Variants in SEMA3C observed in about 807,000 individuals in gnomAD.
SEMA3C encodes the protein semaphorin-3C.
SEMA3C carries 47 observed loss-of-function variants against 89.4 expected under a neutral mutation model. That is an observed-to-expected ratio of 0.53 (90% CI 0.42 to 0.67). SEMA3C has a LOEUF of 0.67. Ranked by LOEUF, SEMA3C falls within the 30% of genes least tolerant of loss-of-function variation. The probability of loss-of-function intolerance (pLI) is 0.00; values close to 1 mark genes in which losing one functional copy is unlikely to be tolerated. For missense variants in SEMA3C, 839 were observed against 929.1 expected (o/e 0.90, Z 1.26); for synonymous variants, 310 against 320.2 (o/e 0.97, Z 0.34).
At chr7:80,821,322 T>C (rs1035092358) in intron 4 of SEMA3C, among the ~76,000 whole-genome samples, 5 of 152,254 alleles carry the variant, frequency 3.3e-5, no homozygotes, top group African/African-American at 1.2e-4. Flanking sequence ...ATATAGGTAG[T>C]AACTAAAGCA....
At position 80,876,500 on chromosome 7, in the gene SEMA3C, C is replaced by T. The variant is rs545555836; in HGVS notation, c.103+40179G>A. Among the ~76,000 whole-genome samples, 227 of 152,264 alleles carry T rather than the reference C, an allele frequency of 1.5e-3. 1 individual carries two copies. The highest frequency in any genetic ancestry group is 4.5e-3 in the African/African-American group (188 of 41,536). ...TGTCACAGCTAACTTCTCTGTGCCT[C>T]ATTCGCCCCATCTATCAATTGGAAC... On this transcript the variant is annotated intron_variant, in intron 2 of 17. Coordinates refer to ENST00000265361, the MANE Select transcript of SEMA3C (RefSeq NM_006379.5).
chr7:80,887,220 AAC>A (rs1387006141), intron 2 of SEMA3C, among the ~76,000 whole-genome samples: 1 of 152,238 alleles, frequency 6.6e-6, no homozygotes, highest in Non-Finnish European at 1.5e-5. Flanking sequence ...GCAAAGTTTT[AAC>A]AGTTATTAAA....
chr7:80,756,631 C>A (rs1035768501), intron 15 of SEMA3C, among the ~76,000 whole-genome samples: 3 of 152,190 alleles, frequency 2.0e-5, no homozygotes, highest in Admixed American at 6.5e-5. Context: ...TTCTTCCTAT[C>A]GTTCCTTTTC....
intron 2 of SEMA3C, among the ~76,000 whole-genome samples, chr7:80,854,668 G>A (rs1023673102): frequency 5.9e-5 from 9 of 152,042 alleles, no homozygotes; most frequent in Non-Finnish European, 1.2e-4. Flanking sequence ...ATTAATGAGC[G>A]GCCATCTGGG....
At chr7:80,854,688 A>T (rs928140325) in intron 2 of SEMA3C, among the ~76,000 whole-genome samples, 10 of 152,168 alleles carry the variant, frequency 6.6e-5, no homozygotes, top group Admixed American at 3.3e-4. Flanking sequence ...GCTCTTTTAC[A>T]TCTTTATGGA....
At chr7:80,891,316 G>A (rs958712283) in intron 2 of SEMA3C, among the ~76,000 whole-genome samples, 1 of 151,996 alleles carries the variant, frequency 6.6e-6, no homozygotes, top group African/African-American at 2.4e-5. Context: ...TCCTCACTTT[G>A]CAAAACCTGT....
At chr7:80,745,421 C>A in intron 17 of SEMA3C, 114 bp from the exon 18 acceptor site, 2 of 999,776 alleles carry the variant, frequency 2.0e-6, no homozygotes, top group South Asian at 1.5e-5. Flanking sequence ...AAGTATTGAG[C>A]ACTACTTAGC....
rs141671949 is a variant in SEMA3C, at chr7:80,819,642, T to C, written c.328-1224A>G. On this transcript the variant is annotated intron_variant, in intron 4 of 17. Transcript: ENST00000265361. ...CCCTGGATCTCCTAAAATACTCCTT[T>C]CTTCTCTTGTAGAAACTCCTTTCTC... Among the ~76,000 whole-genome samples, 588 of 152,304 alleles carry C rather than the reference T, an allele frequency of 3.9e-3. 7 individuals carry two copies. The highest frequency in any genetic ancestry group is 0.012 in the African/African-American group (509 of 41,572).
chr7:80,822,114 C>T (rs997787988), intron 4 of SEMA3C, among the ~76,000 whole-genome samples: 1 of 152,120 alleles, frequency 6.6e-6, no homozygotes, highest in African/African-American at 2.4e-5. Flanking sequence ...TCATTCTATG[C>T]GAGGCACTAC....
intron 6 of SEMA3C, among the ~76,000 whole-genome samples, chr7:80,806,560 T>G (rs1348285365): frequency 3.3e-5 from 5 of 152,150 alleles, no homozygotes; most frequent in Non-Finnish European, 5.9e-5. Context: ...ATTTTCACTA[T>G]TAACAGAATC....
chr7:80,895,597 C>T (rs1791714905), intron 2 of SEMA3C, among the ~76,000 whole-genome samples: 3 of 152,132 alleles, frequency 2.0e-5, no homozygotes, highest in Admixed American at 2.0e-4. Context: ...ATATACACAT[C>T]ACACTACACA....
At chr7:80,809,615 T>C (rs1345247839) in intron 6 of SEMA3C, among the ~76,000 whole-genome samples, 1 of 152,200 alleles carries the variant, frequency 6.6e-6, no homozygotes, top group East Asian at 1.9e-4. Context: ...TAACAGCCAT[T>C]CAAACAGGTG....
chr7:80,753,497 T>C (rs1468549972), intron 15 of SEMA3C, among the ~76,000 whole-genome samples: 2 of 152,110 alleles, frequency 1.3e-5, no homozygotes, highest in African/African-American at 4.8e-5. Context: ...ATCACATAGC[T>C]TCTAGACATT....
At chr7:80,868,715 G>C (rs1178703573) in intron 2 of SEMA3C, among the ~76,000 whole-genome samples, 3 of 152,108 alleles carry the variant, frequency 2.0e-5, no homozygotes, top group African/African-American at 7.2e-5. Flanking sequence ...GGGGTAGGGG[G>C]AGGAGGGGGA....
intron 2 of SEMA3C, among the ~76,000 whole-genome samples, chr7:80,863,906 T>TATATATCACATATATATC (rs1472728901): frequency 1.0e-4 from 12 of 118,736 alleles, no homozygotes; most frequent in African/African-American, 5.0e-4. Context: ...ATATATTACA[T>TATATATCACATATATATC]ATATATCACA....
chr7:80,859,738 C>A (rs1241412036), intron 2 of SEMA3C, among the ~76,000 whole-genome samples: 3 of 152,122 alleles, frequency 2.0e-5, no homozygotes, highest in Non-Finnish European at 4.4e-5. Context: ...TTTGAGTCCA[C>A]TGCATGGTAA....
At chr7:80,858,763 C>T (rs1790702607) in intron 2 of SEMA3C, among the ~76,000 whole-genome samples, 1 of 152,088 alleles carries the variant, frequency 6.6e-6, no homozygotes, top group African/African-American at 2.4e-5. Flanking sequence ...CTTTTCACAT[C>T]CTCCTTTGTG....
intron 13 of SEMA3C, among the ~76,000 whole-genome samples, chr7:80,762,846 A>G (rs1040516386): frequency 6.6e-6 from 1 of 152,206 alleles, no homozygotes; most frequent in African/African-American, 2.4e-5. Flanking sequence ...CTTCTGGTAA[A>G]GTGATTAAGA....
At chr7:80,811,753 A>T (rs1233149595) in intron 5 of SEMA3C, among the ~76,000 whole-genome samples, 1 of 152,162 alleles carries the variant, frequency 6.6e-6, no homozygotes, top group Non-Finnish European at 1.5e-5. Flanking sequence ...AATGTATAAA[A>T]ACAGGCACTG....
Sources: allele counts gnomAD v4.1 joint callset (sites outside exome capture counted in the v4.1 genomes callset), GRCh38; gene constraint gnomAD v4.1.1; transcripts MANE v1.5; gene names NCBI Gene and HGNC (gene_info 2026-07-23, HGNC 2026-07-21).